PTPRT: variants seen among roughly 807,000 people sequenced by gnomAD.
PTPRT encodes the protein protein tyrosine phosphatase receptor type T, also known as receptor-type tyrosine-protein phosphatase T.
In PTPRT, 56 loss-of-function variants were observed where a neutral mutation model predicts 176.8. The ratio of observed to expected loss-of-function variants is 0.32; its 90% CI spans 0.26 to 0.40. PTPRT has a LOEUF of 0.40. PTPRT is among the 10% of genes least tolerant of loss of function. PTPRT has a pLI of 1.00. For missense variants in PTPRT, 1,540 were observed against 1,908.2 expected (o/e 0.81, Z 3.60); for synonymous variants, 783 against 739.0 (o/e 1.06, Z -0.96).
At chr20:43,096,601 C>T (rs1329896708) in intron 1 of PTPRT, among the ~76,000 whole-genome samples, 2 of 152,232 alleles carry the variant, frequency 1.3e-5, no homozygotes, top group South Asian at 2.1e-4. Context: ...CCATCCACAG[C>T]TCTGCCTGTG....
intron 13 of PTPRT, among the ~76,000 whole-genome samples, chr20:42,281,659 C>T (rs965152090): frequency 3.3e-5 from 5 of 152,212 alleles, no homozygotes; most frequent in South Asian, 2.1e-4. Context: ...TGCCTACTTA[C>T]GTTTACCACT....
intron 9 of PTPRT, among the ~76,000 whole-genome samples, chr20:42,362,402 A>G (rs1251697342): frequency 1.3e-5 from 2 of 150,790 alleles, no homozygotes; most frequent in Admixed American, 6.6e-5. Context: ...GTGAGAAAAC[A>G]TCAGAAAGAA....
chr20:42,355,443 G>A (rs917714889), intron 9 of PTPRT, among the ~76,000 whole-genome samples: 2 of 152,206 alleles, frequency 1.3e-5, no homozygotes, highest in African/African-American at 4.8e-5. Flanking sequence ...GCTCGTGGAG[G>A]TATCTCAGGA....
At chr20:42,707,496 ATTTGAGAGACAGGCTCCATTTTTGGCTT>A (rs1041488168) in intron 6 of PTPRT, among the ~76,000 whole-genome samples, 1 of 152,200 alleles carries the variant, frequency 6.6e-6, no homozygotes, top group Non-Finnish European at 1.5e-5. Flanking sequence ...GAACATTTTT[ATTTGAGAGACAGGCTCCATTTTTGGCTT>A]TGAAGATGAA....
At chr20:43,156,457 G>T (rs1451272881) in intron 1 of PTPRT, among the ~76,000 whole-genome samples, 1 of 152,206 alleles carries the variant, frequency 6.6e-6, no homozygotes. Context: ...GAGATGGACA[G>T]ATGCCTGGAT....
intron 9 of PTPRT, among the ~76,000 whole-genome samples, chr20:42,436,822 G>A (rs2059266005): frequency 1.3e-5 from 2 of 152,208 alleles, no homozygotes; most frequent in Admixed American, 6.5e-5. Flanking sequence ...GTATCTTCGT[G>A]CAGTGGAGTA....
intron 16 of PTPRT, among the ~76,000 whole-genome samples, chr20:42,177,492 A>T (rs1048091662): frequency 1.3e-5 from 2 of 152,242 alleles, no homozygotes; most frequent in African/African-American, 4.8e-5. Flanking sequence ...ATAAGAATGA[A>T]TAAAGCAGTG....
intron 1 of PTPRT, among the ~76,000 whole-genome samples, chr20:43,125,647 G>A (rs1480169632): frequency 1.3e-5 from 2 of 152,206 alleles, no homozygotes; most frequent in South Asian, 2.1e-4. Context: ...GCAATTGTGT[G>A]TATTACTGTT....
chr20:42,518,633 G>A (rs1289954340), intron 7 of PTPRT, among the ~76,000 whole-genome samples: 2 of 152,030 alleles, frequency 1.3e-5, no homozygotes, highest in South Asian at 2.1e-4. Flanking sequence ...TTCTTTGTGT[G>A]TGCGCACGTG....
intron 7 of PTPRT, among the ~76,000 whole-genome samples, chr20:42,673,205 A>G (rs776831415): frequency 4.6e-5 from 7 of 152,266 alleles, no homozygotes; most frequent in Non-Finnish European, 5.9e-5. Flanking sequence ...TCATCCAACT[A>G]TTCTGAGTCT....
At chr20:42,305,428 T>C (rs977031907) in intron 12 of PTPRT, among the ~76,000 whole-genome samples, 4 of 151,720 alleles carry the variant, frequency 2.6e-5, no homozygotes, top group African/African-American at 9.7e-5. Context: ...CACATACATC[T>C]ATATATATGC....
chr20:43,115,841 T>C (rs1243866749), intron 1 of PTPRT, among the ~76,000 whole-genome samples: 1 of 152,198 alleles, frequency 6.6e-6, no homozygotes, highest in African/African-American at 2.4e-5. Context: ...GCTTTTCTCA[T>C]CTGCAAACCA....
chr20:42,368,625 T>G (rs2058546070), intron 9 of PTPRT, among the ~76,000 whole-genome samples: 1 of 152,214 alleles, frequency 6.6e-6, no homozygotes, highest in Admixed American at 6.5e-5. Flanking sequence ...TCAGAGACTC[T>G]CTCCTTGGCA....
At chr20:42,581,868 C>G (rs1439004162) in intron 7 of PTPRT, among the ~76,000 whole-genome samples, 1 of 152,172 alleles carries the variant, frequency 6.6e-6, no homozygotes, top group South Asian at 2.1e-4. Flanking sequence ...TATCTGGGCT[C>G]CTGCCTAAAG....
chr20:42,625,003 C>G (rs2074265052), intron 7 of PTPRT, among the ~76,000 whole-genome samples: 1 of 152,154 alleles, frequency 6.6e-6, no homozygotes, highest in Non-Finnish European at 1.5e-5. Context: ...GAAAAGGAGA[C>G]AGGGTCAGGT....
chr20:42,475,946 G>A (rs774671573), intron 7 of PTPRT, among the ~76,000 whole-genome samples: 6 of 152,272 alleles, frequency 3.9e-5, no homozygotes, highest in East Asian at 1.9e-4. Context: ...TGACTGTCAC[G>A]GCGGGCCCCG....
chr20:42,616,709 G>A (rs1156778275), intron 7 of PTPRT, among the ~76,000 whole-genome samples: 1 of 109,932 alleles, frequency 9.1e-6, no homozygotes, highest in African/African-American at 4.8e-5. Flanking sequence ...AATTGTGAAT[G>A]GGAGTTCACT....
intron 7 of PTPRT, among the ~76,000 whole-genome samples, chr20:42,634,313 T>C (rs1600515903): frequency 6.8e-6 from 1 of 148,134 alleles, no homozygotes; most frequent in East Asian, 2.0e-4. Flanking sequence ...GAGGTAAGTA[T>C]GAGTTGGTGC....
intron 6 of PTPRT, among the ~76,000 whole-genome samples, chr20:42,743,194 G>A (rs977296950): frequency 6.6e-6 from 1 of 152,144 alleles, no homozygotes; most frequent in African/African-American, 2.4e-5. Context: ...CCATTTACTG[G>A]GTTGAAAGTG....
Sources: gnomAD v4.1 joint callset for allele counts (sites outside exome capture counted in the v4.1 genomes callset) on GRCh38, gnomAD v4.1.1 for gene constraint, MANE v1.5 for transcripts, NCBI Gene and HGNC (gene_info 2026-07-23, HGNC 2026-07-21) for gene names.